The following WDR76 variants were observed in gnomAD, a reference collection of about 807,000 sequenced individuals.
WDR76 encodes WD repeat-containing protein 76.
A neutral mutation model predicts 70.2 loss-of-function variants in WDR76; 52 were observed. The observed-to-expected ratio is 0.74, with a 90% confidence interval of 0.59 to 0.93. WDR76 has a LOEUF of 0.93. WDR76 is among the 40% of genes least tolerant of loss of function. The pLI, the probability that WDR76 is intolerant of heterozygous loss-of-function variation, is 0.00. For synonymous variants in WDR76, 292 were observed against 271.1 expected, an observed-to-expected ratio of 1.08 and a Z score of -0.76; for missense variants, 756 against 760.2, an observed-to-expected ratio of 0.99 and a Z score of 0.07.
intron 2 of WDR76, among the ~76,000 whole-genome samples, chr15:43,831,830 G>C (rs543975779): frequency 6.6e-6 from 1 of 151,878 alleles, no homozygotes; most frequent in South Asian, 2.1e-4. Flanking sequence ...GCATATCAGA[G>C]AAATTTTTTT....
chr15:43,842,392 TA>T (rs1349499947), intron 5 of WDR76, 22 bp from the exon 6 acceptor site: 1 of 1,607,704 alleles, frequency 6.2e-7, no homozygotes, highest in African/African-American at 1.3e-5. Context: ...GCCCAACAAA[TA>T]ACTTTTTATT....
At chr15:43,850,427 A>C (rs778469494) in intron 8 of WDR76, among the ~76,000 whole-genome samples, 6 of 151,678 alleles carry the variant, frequency 4.0e-5, no homozygotes, top group African/African-American at 9.7e-5. Context: ...TCCCGAGTAG[A>C]TGGGACTACA....
intron 8 of WDR76, among the ~76,000 whole-genome samples, chr15:43,849,557 G>A (rs75733711): frequency 1.9e-3 from 286 of 146,810 alleles, no homozygotes; most frequent in African/African-American, 6.8e-3. Flanking sequence ...TTTTTTTTTT[G>A]AGACGGAGTC....
intron 11 of WDR76, 139 bp from the exon 12 acceptor site, chr15:43,861,194 C>A: frequency 1.3e-6 from 1 of 754,548 alleles, no homozygotes; most frequent in Non-Finnish European, 2.2e-6. Flanking sequence ...CCTCTAAACC[C>A]GGCCTGATCC....
intron 2 of WDR76, among the ~76,000 whole-genome samples, chr15:43,829,644 TTACA>T (rs1016062751): frequency 2.0e-5 from 3 of 151,608 alleles, no homozygotes; most frequent in African/African-American, 7.3e-5. Flanking sequence ...GTAGCTGGGA[TTACA>T]GGCGCCCGCC....
chr15:43,851,047 A>C lies in WDR76; in HGVS notation c.1033-40A>C, dbSNP rs1286314595. ...ATAGCAAAAATCACTATTTTTCACTAGTTTTTTTCTCTCTCCCCTTTCCCG... is the reference window on the plus strand; with the variant it reads ...ATAGCAAAAATCACTATTTTTCACTCGTTTTTTTCTCTCTCCCCTTTCCCG... On this transcript the variant is annotated intron_variant, in intron 8 of 12. Coordinates refer to ENST00000263795, the MANE Select transcript of WDR76 (RefSeq NM_024908.4). The C allele has an allele frequency of 1.4e-5, 22 of 1,604,590 alleles. 1 individual carries two copies. In the Admixed American group the frequency reaches 3.8e-4, roughly 27 times the overall value.
At chr15:43,829,291 A>G (rs569179991) in intron 2 of WDR76, among the ~76,000 whole-genome samples, 27 of 152,278 alleles carry the variant, frequency 1.8e-4, no homozygotes, top group African/African-American at 6.5e-4. Context: ...TAAAACATAC[A>G]TAGCACATGA....
intron 8 of WDR76, among the ~76,000 whole-genome samples, chr15:43,844,520 T>C (rs1036334086): frequency 2.0e-5 from 3 of 150,616 alleles, no homozygotes; most frequent in African/African-American, 2.5e-5. Flanking sequence ...CTCAGGAGGC[T>C]GAGGCAGGAG....
chr15:43,859,171 G>T (rs1470053058), intron 11 of WDR76, among the ~76,000 whole-genome samples: 1 of 152,216 alleles, frequency 6.6e-6, no homozygotes, highest in Non-Finnish European at 1.5e-5. Flanking sequence ...TATTCTGCAA[G>T]TGAAGTGCTG....
chr15:43,838,593 T>G (rs558434001), intron 4 of WDR76, among the ~76,000 whole-genome samples: 1 of 152,232 alleles, frequency 6.6e-6, no homozygotes, highest in Non-Finnish European at 1.5e-5. Context: ...TATTCTGAGA[T>G]TTTCTTATTT....
Position 43,828,264 on chromosome 15 carries a change from TAAC to T in WDR76, c.363_365del (p.Asn121del), listed in dbSNP as rs754527644. 4.3e-6 allele frequency: 7 copies of T among 1,614,200 alleles called. No individual in the cohort carries two copies. The South Asian group carries it at 7.7e-5, about 18-fold the overall frequency. On this transcript the variant is annotated inframe_deletion, in exon 2 of 13. Coordinates refer to ENST00000263795, the MANE Select transcript of WDR76 (RefSeq NM_024908.4). Reference sequence around the variant, plus strand: ...CATCCTCAGCTGTTCATACTGAAAGTAACAAGCTACAACCCAAGAGAACGGCAG... The same window carrying T: ...CATCCTCAGCTGTTCATACTGAAAGTAAGCTACAACCCAAGAGAACGGCAG...
chr15:43,846,835 C>A (rs899209377), intron 8 of WDR76, among the ~76,000 whole-genome samples: 4 of 151,858 alleles, frequency 2.6e-5, no homozygotes, highest in African/African-American at 7.3e-5. Flanking sequence ...CCAGCCTGAA[C>A]AACATGATGA....
chr15:43,828,404 T>C, intron 2 of WDR76, 38 bp downstream of exon 2: 1 of 1,539,482 alleles, frequency 6.5e-7, no homozygotes, highest in Non-Finnish European at 8.7e-7. Context: ...GGTTTCTCTT[T>C]TTTGAAATTT....
At chr15:43,856,603 CTT>C (rs947724840) in intron 9 of WDR76, among the ~76,000 whole-genome samples, 14 of 131,680 alleles carry the variant, frequency 1.1e-4, no homozygotes, top group Admixed American at 2.3e-4. Flanking sequence ...TGTTTTGTTT[CTT>C]TTTTTTTTTT....
rs531582899 is a variant in WDR76 at position 43,828,122 on chromosome 15, A to G, written c.218A>G (p.Lys73Arg). ...ATGTGCCCCAAATCCCTATCAGAAA[A>G]GAATTCTAACAATGAAGTGGCGTGT... The part of the protein sequence containing the change: ...QLMCPKSLSE[K>R]NSNNEVACKK... The change falls in exon 2 of 13, where the codon AAG becomes AGG. Residue 73 changes from lysine to arginine, a missense_variant. Lys to Arg is a conservative substitution (Grantham distance 26). Coordinates refer to ENST00000263795, the MANE Select transcript of WDR76 (RefSeq NM_024908.4). The G allele has an allele frequency of 6.2e-7, 1 of 1,614,240 alleles. No individual in the cohort carries two copies. The highest frequency in any genetic ancestry group is 8.5e-7 in the Non-Finnish European group (1 of 1,180,036).
At position 43,867,215 on chromosome 15, in the gene WDR76, G is replaced by C. The variant is rs1013168011; in HGVS notation, c.*823G>C. ...TACGTGAAATGCCAAGATAATTGCT[G>C]AGCAGCTTTGGTTACCCAGGGCGGG... On this transcript the variant is annotated 3_prime_UTR_variant, in exon 13 of 13. Transcript: ENST00000263795. The C allele has an allele frequency of 6.6e-6, 1 of 152,124 alleles. No homozygotes were observed. The highest frequency in any genetic ancestry group is 2.4e-5 in the African/African-American group (1 of 41,414). The allele number at this position is 152,124 out of a possible 1,614,324, so 9.4% of individuals were successfully genotyped here. A position where few individuals can be genotyped will look rare whatever the true frequency, so the allele number is the denominator to read the frequency against.
chr15:43,831,819 T>C (rs1041232938), intron 2 of WDR76, among the ~76,000 whole-genome samples: 7 of 152,134 alleles, frequency 4.6e-5, no homozygotes, highest in Non-Finnish European at 1.0e-4. Flanking sequence ...GCAAATACTT[T>C]GCATATCAGA....
rs747521607 is a variant in WDR76 at position 43,839,598 on chromosome 15, C to T, written c.609-7C>T. The T allele has an allele frequency of 4.4e-6, 7 of 1,604,184 alleles. No individual in the cohort carries two copies. The South Asian group carries it at 5.6e-5, about 13-fold the overall frequency. ...AGTATAACATGAGTTTTTCCCCACT[C>T]CTTTAGAAAGAAGCCTAAGAGAGAA... On this transcript the variant is annotated splice_polypyrimidine_tract_variant and splice_region_variant and intron_variant, in intron 4 of 12. Coordinates refer to ENST00000263795, the MANE Select transcript of WDR76 (RefSeq NM_024908.4).
chr15:43,844,676 G>A (rs1455420247), intron 8 of WDR76, among the ~76,000 whole-genome samples: 4 of 151,196 alleles, frequency 2.6e-5, no homozygotes, highest in African/African-American at 4.9e-5. Flanking sequence ...TTGGGAGGCC[G>A]AGGCGGGTGG....
Sources: allele counts gnomAD v4.1 joint callset (sites outside exome capture counted in the v4.1 genomes callset), GRCh38; gene constraint gnomAD v4.1.1; transcripts MANE v1.5; gene names NCBI Gene and HGNC (gene_info 2026-07-23, HGNC 2026-07-21).